The following TIAM2 variants were observed in gnomAD, a reference collection of about 807,000 sequenced individuals.
TIAM2 encodes the protein TIAM Rac1 associated GEF 2.
TIAM2 carries 80 observed loss-of-function variants against 152.9 expected under a neutral mutation model. That is an observed-to-expected ratio of 0.52 (90% CI 0.44 to 0.63). The LOEUF is 0.63. TIAM2 is among the 30% of genes least tolerant of loss of function. TIAM2 has a pLI of 0.00. For synonymous variants in TIAM2, 804 were observed against 838.0 expected, an observed-to-expected ratio of 0.96 and a Z score of 0.70; for missense variants, 1,965 against 2,120.1, an observed-to-expected ratio of 0.93 and a Z score of 1.44.
At chr6:155,255,284 GC>G (rs1471506687) in intron 26 of TIAM2, 5 of 152,220 alleles carry the variant, frequency 3.3e-5, no homozygotes, top group African/African-American at 1.2e-4. Flanking sequence ...AAGTTAAGGG[GC>G]CTCTTATACT....
rs979143870 is a variant in TIAM2 at position 155,186,099 on chromosome 6, A to G, written c.3064+2599A>G. 1.1e-4 allele frequency among the ~76,000 whole-genome samples: 17 copies of G among 152,348 alleles called. 1 individual carries two copies. The highest frequency in any genetic ancestry group is 1.0e-3 in the Admixed American group (16 of 15,306). On this transcript the variant is annotated intron_variant, in intron 14 of 26. Coordinates refer to ENST00000682666, the MANE Select transcript of TIAM2 (RefSeq NM_012454.4). The surrounding 1 kb of genome is among the most constrained non-coding windows in gnomAD (Gnocchi z 4.5). ...GGGTGGATTAAAAGATAAAAGTGAA[A>G]AAAGACCAGGTCTCTCATTCATATG...
chr6:155,057,838 G>C (rs188050123), intron 1 of TIAM2, among the ~76,000 whole-genome samples: 6 of 152,074 alleles, frequency 3.9e-5, no homozygotes, highest in Non-Finnish European at 7.4e-5. Flanking sequence ...GAGCCACCGC[G>C]CCTGGCCCCA....
chr6:155,106,040 T>C (rs1222496451), intron 2 of TIAM2, among the ~76,000 whole-genome samples: 1 of 142,500 alleles, frequency 7.0e-6, no homozygotes, highest in East Asian at 2.0e-4. Flanking sequence ...AGAGTCTCTA[T>C]GTATCCCAGG....
At chr6:155,147,144 T>C (rs2352149) in intron 6 of TIAM2, among the ~76,000 whole-genome samples, 95,385 of 149,816 alleles carry the variant, frequency 0.64, 30,801 homozygotes, top group Admixed American at 0.76. Flanking sequence ...CATTATTTTG[T>C]TTCCCCCCAA....
rs1335437439 is a variant in TIAM2 at position 155,254,488 on chromosome 6, C to A, written c.4383C>A (p.His1461Gln). Residue 1461 changes from histidine (H) to glutamine (Q), a missense_variant, in exon 26 of 27, where the codon CAC becomes CAA. Physicochemically the swap from His to Gln is conservative, Grantham distance 24 (BLOSUM62 0). Coordinates refer to ENST00000682666, the MANE Select transcript of TIAM2 (RefSeq NM_012454.4). ...RSILRENFRR[H>Q]IKCELPLEKT... Reference sequence around the variant, plus strand: ...TTCTGAGGGAGAACTTCAGGCGTCACATAAAGTGTGAATTACCACTGGAGA... The same window carrying A: ...TTCTGAGGGAGAACTTCAGGCGTCAAATAAAGTGTGAATTACCACTGGAGA... 1.2e-6 allele frequency: 2 copies of A among 1,614,184 alleles called. No homozygotes were observed. The highest frequency in any genetic ancestry group is 3.3e-5 in the Admixed American group (2 of 60,030).
In TIAM2 at chr6:155,137,194, G is replaced by C; in HGVS notation, c.1212G>C (p.Glu404Asp). 1 of 1,613,158 alleles carries C rather than the reference G, an allele frequency of 6.2e-7. No homozygotes were observed. The highest frequency in any genetic ancestry group is 8.5e-7 in the Non-Finnish European group (1 of 1,179,160). The change falls in exon 5 of 27, where the codon GAG becomes GAC. Residue 404 changes from glutamate (E) to aspartate (D), a missense_variant. Physicochemically the swap from Glu to Asp is conservative, Grantham distance 45. Coordinates refer to ENST00000682666, the MANE Select transcript of TIAM2 (RefSeq NM_012454.4). ...TCTCACAGGAGCCGAGGTCCAAGGA[G>C]GGCAGTGACTACTTTGACAGTCGCT... ...KRKLQEPRSK[E>D]GSDYFDSRSD... is the part of the protein sequence containing the mutation.
Position 155,250,919 on chromosome 6 carries a change from G to T in TIAM2, c.3958G>T (p.Glu1320Ter). The T allele has an allele frequency of 6.2e-7, 1 of 1,614,170 alleles. No homozygotes were observed. Among genetic ancestry groups the T allele is most frequent in the Non-Finnish European group, 8.5e-7 (1 of 1,180,006 alleles). The change falls in exon 22 of 27, where the codon GAA (glutamate) becomes TAA (stop). Residue 1320 changes from glutamate to a stop codon, truncating the protein, a stop_gained. Coordinates refer to ENST00000682666, the MANE Select transcript of TIAM2 (RefSeq NM_012454.4). LOFTEE classifies it high-confidence loss of function. ...TCCTGTTTTTACAATCTAGGTAACA[G>T]AACTTTCGATGGGAGAGCTTCTGAT... Reference protein sequence around the residue: ...EQSGTEKEVTELSMGELLMHS... With the variant: ...EQSGTEKEVT
intron 10 of TIAM2, among the ~76,000 whole-genome samples, chr6:155,177,481 T>TATG (rs1472831696): frequency 6.6e-6 from 1 of 152,218 alleles, no homozygotes; most frequent in Non-Finnish European, 1.5e-5. Context: ...GAAGGGAGTT[T>TATG]ATGGTAAGTC....
intron 4 of TIAM2, among the ~76,000 whole-genome samples, chr6:155,131,949 A>G (rs964878953): frequency 1.3e-5 from 2 of 152,064 alleles, no homozygotes; most frequent in African/African-American, 4.8e-5. Flanking sequence ...ACCTAAGTGC[A>G]TGTAATAGAA....
At chr6:155,165,439 T>C (rs1451220446) in intron 9 of TIAM2, 30 bp downstream of exon 9, 1 of 1,584,364 alleles carries the variant, frequency 6.3e-7, no homozygotes, top group South Asian at 1.2e-5. Flanking sequence ...AACAGCAGAC[T>C]AGAGTGAAAT....
At chr6:155,217,173 T>C (rs1781880783) in intron 15 of TIAM2, 7 of 1,269,774 alleles carry the variant, frequency 5.5e-6, no homozygotes, top group East Asian at 1.1e-4. Flanking sequence ...CTTTTCTTGA[T>C]TGAAAGTTGA....
intron 1 of TIAM2, among the ~76,000 whole-genome samples, chr6:155,046,986 G>A (rs895629314): frequency 6.6e-6 from 1 of 152,168 alleles, no homozygotes; most frequent in African/African-American, 2.4e-5. Context: ...ATATATGTTT[G>A]GGGTAAGGAA....
intron 2 of TIAM2, among the ~76,000 whole-genome samples, chr6:155,124,433 T>C (rs6937926): frequency 0.39 from 58,675 of 152,062 alleles, 13,848 homozygotes; most frequent in African/African-American, 0.65. Context: ...GGCGTTTAAG[T>C]GATTCTCTTG....
intron 1 of TIAM2, among the ~76,000 whole-genome samples, chr6:155,089,396 G>A (rs576882712): frequency 3.3e-5 from 5 of 152,192 alleles, no homozygotes; most frequent in South Asian, 2.1e-4. Flanking sequence ...TAGTAGAGAC[G>A]GGGTTTCACC....
rs756880652 is a variant in TIAM2, at chr6:155,179,420, G to A, written c.2671G>A (p.Val891Met). 6.2e-6 allele frequency: 10 copies of A among 1,613,506 alleles called. No individual in the cohort carries two copies. The highest frequency in any genetic ancestry group is 3.3e-5 in the Admixed American group (2 of 59,906). ...IEVFPLNVYD[V>M]QLTKTGSVCD... ...AGTCTTTCCACTAAATGTTTATGACGTGCAGCTCACGAAGACTGGGAGTGT... is the reference window on the plus strand; with the variant it reads ...AGTCTTTCCACTAAATGTTTATGACATGCAGCTCACGAAGACTGGGAGTGT... Residue 891 changes from valine to methionine, a missense_variant, in exon 12 of 27, where the codon GTG (valine) becomes ATG (methionine). Coordinates refer to ENST00000682666, the MANE Select transcript of TIAM2 (RefSeq NM_012454.4).
chr6:155,094,108 C>CA (rs1028539352), intron 2 of TIAM2, among the ~76,000 whole-genome samples: 14 of 152,150 alleles, frequency 9.2e-5, no homozygotes, highest in East Asian at 1.9e-4. Flanking sequence ...AAGAATTTTA[C>CA]AAAAAAGCCA....
intron 2 of TIAM2, among the ~76,000 whole-genome samples, chr6:155,094,196 G>A (rs1233272632): frequency 2.6e-5 from 4 of 152,210 alleles, no homozygotes; most frequent in Non-Finnish European, 5.9e-5. Flanking sequence ...GTGGATAGCT[G>A]AAGCTGTGTA....
intron 1 of TIAM2, among the ~76,000 whole-genome samples, chr6:155,072,357 C>T (rs1777857231): frequency 1.3e-5 from 2 of 152,014 alleles, no homozygotes; most frequent in South Asian, 2.1e-4. Flanking sequence ...GAGGGCTGAA[C>T]GAACTCAGTG....
Position 155,217,004 on chromosome 6 carries a change from AC to A in TIAM2, c.3168+5698del. ...GAGAGGGAGAGACAACGTGTGTCTTACACATCTCCCAACAGCCGACTTAGAT... is the reference window on the plus strand; with the variant it reads ...GAGAGGGAGAGACAACGTGTGTCTTAACATCTCCCAACAGCCGACTTAGAT... On this transcript the variant is annotated intron_variant, in intron 15 of 26. Transcript: ENST00000682666. The A allele has an allele frequency of 2.3e-6, 3 of 1,276,636 alleles. No homozygotes were observed. In the South Asian group the frequency reaches 3.8e-5, roughly 16 times the overall value. The allele number at this position is 1,276,636 out of a possible 1,614,324, so 79.1% of individuals were successfully genotyped here.
Sources: gnomAD v4.1 joint callset for allele counts (sites outside exome capture counted in the v4.1 genomes callset) on GRCh38, gnomAD v4.1.1 for gene constraint, Gnocchi (gnomAD v3.1) non-coding constraint, MANE v1.5 for transcripts, NCBI Gene and HGNC (gene_info 2026-07-23, HGNC 2026-07-21) for gene names.